TCOF1: variants seen among roughly 807,000 people sequenced by gnomAD.
The protein encoded by TCOF1 is treacle ribosome biogenesis factor 1, also known as treacle protein.
In TCOF1, 33 loss-of-function variants were observed where a neutral mutation model predicts 149.0. The ratio of observed to expected loss-of-function variants is 0.22; its 90% confidence interval spans 0.17 to 0.30. The LOEUF is 0.30. TCOF1 is among the 10% of genes least tolerant of loss of function. The probability of loss-of-function intolerance (pLI) is 1.00; values close to 1 mark genes in which losing one functional copy is unlikely to be tolerated. For missense variants in TCOF1, 1,728 were observed against 1,840.7 expected (o/e 0.94, Z 1.12); for synonymous variants, 789 against 738.8 (o/e 1.07, Z -1.10).
Position 150,374,765 on chromosome 5 carries a change from A to G in TCOF1, c.1232A>G (p.Gln411Arg), listed in dbSNP as rs1276469085. 5 of 1,609,816 alleles carry G rather than the reference A, an allele frequency of 3.1e-6. No homozygotes were observed. The highest frequency in any genetic ancestry group is 4.2e-6 in the Non-Finnish European group (5 of 1,178,834). ...AQAGKREEDS[Q>R]SSSEESDSEE... is the part of the protein sequence containing the mutation. ...GCGGGGAAGCGGGAGGAGGACTCGC[A>G]GAGCAGCAGCGAGGAATCGGACAGT... Residue 411 changes from glutamine to arginine, a missense_variant, in exon 9 of 27, where the codon CAG (glutamine) becomes CGG (arginine). This residue lies in a region of TCOF1 where 1,696 missense variants were observed against 1,765.4 expected (regional missense o/e 0.96). Transcript: ENST00000643257.
intron 6 of TCOF1, among the ~76,000 whole-genome samples, chr5:150,371,212 T>C (rs574593729): frequency 6.6e-6 from 1 of 152,254 alleles, no homozygotes; most frequent in South Asian, 2.1e-4. Context: ...CCTGGCCCAG[T>C]AACCCTGTGA....
At chr5:150,376,056 C>T in intron 12 of TCOF1, 26 bp from the exon 13 acceptor site, 1 of 1,613,626 alleles carries the variant, frequency 6.2e-7, no homozygotes, top group Admixed American at 1.7e-5. Flanking sequence ...GGAACCTTCT[C>T]CAGCCTTTCT....
At chr5:150,368,570 T>G (rs1326292405) in intron 4 of TCOF1, 146 bp from the exon 5 acceptor site, 1 of 902,030 alleles carries the variant, frequency 1.1e-6, no homozygotes, top group Non-Finnish European at 1.8e-6. Context: ...TTAACCTCAC[T>G]TTAAAGATTG....
chr5:150,371,647 T>C (rs1762550579), intron 6 of TCOF1, among the ~76,000 whole-genome samples: 1 of 151,948 alleles, frequency 6.6e-6, no homozygotes, highest in Non-Finnish European at 1.5e-5. Flanking sequence ...GATACTTGAG[T>C]TTAAGGGGCA....
intron 20 of TCOF1, 131 bp downstream of exon 20, chr5:150,391,788 C>T: frequency 8.5e-7 from 1 of 1,181,332 alleles, no homozygotes; most frequent in Non-Finnish European, 1.2e-6. Context: ...GCCTCAGTGG[C>T]CTAATCTGTA....
At chr5:150,366,575 A>G (rs192420580) in intron 3 of TCOF1, among the ~76,000 whole-genome samples, 1 of 152,028 alleles carries the variant, frequency 6.6e-6, no homozygotes, top group East Asian at 1.9e-4. Context: ...TTACAGAAAG[A>G]GAGAGATGGA....
At chr5:150,365,283 G>A (rs1429376360) in intron 3 of TCOF1, among the ~76,000 whole-genome samples, 2 of 146,696 alleles carry the variant, frequency 1.4e-5, no homozygotes, top group Non-Finnish European at 3.0e-5. Flanking sequence ...TAATAGAGAC[G>A]GGGTTTCACA....
Position 150,392,181 on chromosome 5 carries a change from G to A in TCOF1, c.3517+5G>A, listed in dbSNP as rs1389990272. The A allele has an allele frequency of 6.2e-7, 1 of 1,613,014 alleles. No individual in the cohort carries two copies. The highest frequency in any genetic ancestry group is 2.2e-5 in the East Asian group (1 of 44,870). On this transcript the variant is annotated splice_donor_5th_base_variant and intron_variant, in intron 21 of 26. Coordinates refer to ENST00000643257, the MANE Select transcript of TCOF1 (RefSeq NM_001371623.1). ...CCAAGTCAGCCCACACGCTGGGTGAGGGTGCCAGGGGAAAGGCAAGGGTGG... is the reference window on the plus strand; with the variant it reads ...CCAAGTCAGCCCACACGCTGGGTGAAGGTGCCAGGGGAAAGGCAAGGGTGG...
chr5:150,379,071 G>A (rs761059786), intron 15 of TCOF1, 29 bp downstream of exon 15: 4 of 1,613,912 alleles, frequency 2.5e-6, no homozygotes, highest in Non-Finnish European at 3.4e-6. Flanking sequence ...CACAGGAGGT[G>A]TGGAGGGTTG....
At position 150,374,331 on chromosome 5, in the gene TCOF1, G is replaced by A. The variant is rs144327167; in HGVS notation, c.1028G>A (p.Ser343Asn). 2.1e-3 allele frequency: 3,361 copies of A among 1,571,546 alleles called. 11 individuals are homozygous for A. The highest frequency in any genetic ancestry group is 2.8e-3 in the Middle Eastern group (17 of 5,974). The change falls in exon 8 of 27, where the codon AGC becomes AAC. Residue 343 changes from serine (S) to asparagine (N), a missense_variant. Around this residue, in one of 2 missense-constraint regions of TCOF1, gnomAD observed 1,696 missense variants for 1,765.4 expected, o/e 0.96. Transcript: ENST00000643257. ...CCAGAGGAGGACTCAGAGAGCAGCA[G>A]CGAGGAGTCATCTGACAGTGAGGAG... Reference protein sequence around the residue: ...GKPEEDSESSSEESSDSEEET... With the variant: ...GKPEEDSESSNEESSDSEEET...
Position 150,379,502 on chromosome 5 carries a change from T to G in TCOF1, c.2659-30T>G, listed in dbSNP as rs771136457. The G allele has an allele frequency of 3.1e-6, 5 of 1,614,054 alleles. No individual in the cohort carries two copies. The Admixed American group carries it at 8.3e-5, about 27-fold the overall frequency. On this transcript the variant is annotated intron_variant, in intron 16 of 26. Transcript: ENST00000643257. ...CTTCTCACACGTCCACCCTCCAGGCTCTCTCCTCTCATCCTGTTTCTCCCT... is the reference window on the plus strand; with the variant it reads ...CTTCTCACACGTCCACCCTCCAGGCGCTCTCCTCTCATCCTGTTTCTCCCT...
At chr5:150,388,211 C>A (rs1766679540) in intron 18 of TCOF1, 123 bp downstream of exon 18, 2 of 1,335,604 alleles carry the variant, frequency 1.5e-6, no homozygotes, top group Admixed American at 4.1e-5. Context: ...GGCTTGGGGT[C>A]AGGTCTCTGG....
chr5:150,398,427 G>C lies in TCOF1; in HGVS notation c.4419G>C (p.Pro1473=). The C allele has an allele frequency of 1.2e-6, 2 of 1,614,136 alleles. No homozygotes were observed. The highest frequency in any genetic ancestry group is 1.7e-6 in the Non-Finnish European group (2 of 1,180,008). The change falls in exon 25 of 27, where the codon CCG becomes CCC. Residue 1473 remains proline, a synonymous_variant. Coordinates refer to ENST00000643257, the MANE Select transcript of TCOF1 (RefSeq NM_001371623.1). The part of the protein sequence containing the change: ...KKASTKDSES[P]SQKKKKKKKK... ...CCTCAACCAAAGATTCTGAGTCACC[G>C]TCCCAGAAGAAAAAGAAGAAAAAGG...
chr5:150,377,167 G>A (rs1764000984), intron 14 of TCOF1, among the ~76,000 whole-genome samples: 1 of 152,212 alleles, frequency 6.6e-6, no homozygotes, highest in African/African-American at 2.4e-5. Flanking sequence ...GCCTGGCTTG[G>A]GTGCCTTGCC....
intron 3 of TCOF1, among the ~76,000 whole-genome samples, chr5:150,365,882 A>G (rs1220799787): frequency 6.6e-6 from 1 of 151,494 alleles, no homozygotes; most frequent in African/African-American, 2.4e-5. Flanking sequence ...GCACTTTGGG[A>G]GGTCAAGGTA....
intron 18 of TCOF1, 46 bp from the exon 19 acceptor site, chr5:150,389,841 A>T (rs776866982): frequency 1.2e-6 from 2 of 1,613,896 alleles, no homozygotes; most frequent in African/African-American, 2.7e-5. Flanking sequence ...TGAGGAGGCG[A>T]TGGGGCTTTT....
chr5:150,394,281 G>A (rs1767994036), intron 23 of TCOF1: 1 of 152,482 alleles, frequency 6.6e-6, no homozygotes, highest in African/African-American at 2.4e-5. Flanking sequence ...AGTCACGTTT[G>A]GAGGACACTC....
In TCOF1 at chr5:150,379,022, A is replaced by G. The variant is rs773887777; in HGVS notation, c.2458A>G (p.Lys820Glu). ...GKVVTAAAQA[K>E]QRSPSKVKPP... is the part of the protein sequence containing the mutation. ...AGTTGTCACTGCAGCTGCTCAAGCC[A>G]AGCAGAGGTCTCCATCCAAGGCAAG... is the stretch of plus-strand genomic sequence containing the variant. Residue 820 changes from lysine (K) to glutamate (E), a missense_variant, in exon 15 of 27, where the codon AAG (lysine) becomes GAG (glutamate). By Grantham distance (56) the Lys-to-Glu change is moderately conservative (BLOSUM62 1). Transcript: ENST00000643257. The G allele has an allele frequency of 1.2e-6, 2 of 1,614,054 alleles. No individual in the cohort carries two copies. Among genetic ancestry groups the G allele is most frequent in the Admixed American group, 3.3e-5 (2 of 60,004 alleles).
At chr5:150,391,735 AC>A in intron 20 of TCOF1, 78 bp downstream of exon 20, 1 of 1,383,152 alleles carries the variant, frequency 7.2e-7, no homozygotes, top group Admixed American at 1.9e-5. Flanking sequence ...CGGCACCAGC[AC>A]TCATCTGCCC....
Sources: allele counts gnomAD v4.1 joint callset (sites outside exome capture counted in the v4.1 genomes callset), GRCh38; gene constraint gnomAD v4.1.1; regional missense constraint gnomAD v4.1.1; transcripts MANE v1.5; gene names NCBI Gene and HGNC (gene_info 2026-07-23, HGNC 2026-07-21).